PHC2: variants seen among roughly 807,000 people sequenced by gnomAD.
The protein encoded by PHC2 is polyhomeotic homolog 2.
A neutral mutation model predicts 87.4 loss-of-function variants in PHC2; 29 were observed. That is an observed-to-expected ratio of 0.33 (90% CI 0.25 to 0.45). The LOEUF (loss-of-function observed/expected upper bound fraction) is 0.45, where lower values mean the gene tolerates loss of function less well. Among genes scored for constraint, PHC2 ranks in the 20% least tolerant of loss-of-function variants. The pLI, the probability that PHC2 is intolerant of heterozygous loss-of-function variation, is 1.00. For missense variants in PHC2, 857 were observed against 1,136.7 expected (o/e 0.75, Z 3.54); for synonymous variants, 438 against 461.7 (o/e 0.95, Z 0.66).
At chr1:33,403,686 C>CA (rs1649638876) in intron 1 of PHC2, among the ~76,000 whole-genome samples, 1 of 152,280 alleles carries the variant, frequency 6.6e-6, no homozygotes, top group East Asian at 1.9e-4. Flanking sequence ...TAAAATGACT[C>CA]AGATTCCATC....
intron 8 of PHC2, 107 bp downstream of exon 8, chr1:33,354,731 G>T (rs1447811351): frequency 7.2e-7 from 1 of 1,380,816 alleles, no homozygotes; most frequent in Non-Finnish European, 9.9e-7. Context: ...CCCCAAAGAT[G>T]ACTTCACCCG....
intron 1 of PHC2, among the ~76,000 whole-genome samples, chr1:33,392,001 G>A (rs1232413348): frequency 6.6e-6 from 1 of 152,180 alleles, no homozygotes; most frequent in Non-Finnish European, 1.5e-5. Context: ...AAAGCCACCT[G>A]GGGCTAGCAC....
At chr1:33,416,116 GC>G (rs1206947006) in intron 1 of PHC2, among the ~76,000 whole-genome samples, 1 of 152,116 alleles carries the variant, frequency 6.6e-6, no homozygotes, top group Non-Finnish European at 1.5e-5. Context: ...AGAAACCATA[GC>G]TAAAAGTTTT....
chr1:33,376,819 CCT>C (rs1286622820), intron 1 of PHC2, among the ~76,000 whole-genome samples: 2 of 152,132 alleles, frequency 1.3e-5, no homozygotes, highest in African/African-American at 4.8e-5. Flanking sequence ...GTCCCAGCTA[CCT>C]GGGAGGCTGA....
chr1:33,387,893 A>T (rs1392921627), intron 1 of PHC2, among the ~76,000 whole-genome samples: 1 of 152,242 alleles, frequency 6.6e-6, no homozygotes. Context: ...TGTCAACTAG[A>T]ACTCTCTCAG....
At chr1:33,392,005 C>T (rs1649077273) in intron 1 of PHC2, among the ~76,000 whole-genome samples, 1 of 152,170 alleles carries the variant, frequency 6.6e-6, no homozygotes, top group Non-Finnish European at 1.5e-5. Context: ...CCACCTGGGG[C>T]TAGCACAGAG....
chr1:33,404,651 C>T (rs1649679014), intron 1 of PHC2, among the ~76,000 whole-genome samples: 2 of 152,116 alleles, frequency 1.3e-5, no homozygotes, highest in South Asian at 4.1e-4. Context: ...GAAGATGGTA[C>T]TTCAATCAAC....
intron 1 of PHC2, among the ~76,000 whole-genome samples, chr1:33,401,710 A>C (rs1649540435): frequency 6.6e-6 from 1 of 152,156 alleles, no homozygotes; most frequent in African/African-American, 2.4e-5. Context: ...ATAGACCCAC[A>C]CATTTATGAA....
At chr1:33,386,361 C>G (rs1648751075) in intron 1 of PHC2, among the ~76,000 whole-genome samples, 1 of 151,226 alleles carries the variant, frequency 6.6e-6, no homozygotes, top group South Asian at 2.1e-4. Flanking sequence ...ACTGAAAATA[C>G]AAAAATTAGC....
Position 33,370,599 on chromosome 1 carries a change from CAT to C in PHC2, c.412-16_412-15del. ...TGCCAGGTTGATCTAATGAGAGAGA[CAT>C]GTGCGGTAGGAGATAGGAGGTTCTG... On this transcript the variant is annotated splice_polypyrimidine_tract_variant and intron_variant, in intron 4 of 14. Coordinates refer to ENST00000683057, the MANE Select transcript of PHC2 (RefSeq NM_001385109.1). 1 of 1,607,166 alleles carries C rather than the reference CAT, an allele frequency of 6.2e-7. No homozygotes were observed. Among genetic ancestry groups the C allele is most frequent in the Non-Finnish European group, 8.5e-7 (1 of 1,175,200 alleles).
chr1:33,357,285 G>A (rs1239672773), intron 7 of PHC2, among the ~76,000 whole-genome samples: 3 of 152,196 alleles, frequency 2.0e-5, no homozygotes, highest in Non-Finnish European at 4.4e-5. Context: ...TGCAACAGGT[G>A]CAAAGTAAGC....
chr1:33,399,536 A>C (rs1649431367), intron 1 of PHC2, among the ~76,000 whole-genome samples: 1 of 152,186 alleles, frequency 6.6e-6, no homozygotes, highest in Admixed American at 6.5e-5. Flanking sequence ...TTGCCATTGG[A>C]GATGTGCCTA....
chr1:33,325,945 G>T, intron 14 of PHC2: 1 of 456,022 alleles, frequency 2.2e-6, no homozygotes, highest in South Asian at 1.6e-5. Flanking sequence ...GGCCTTTAGG[G>T]AAGCTGCTGG....
intron 9 of PHC2, among the ~76,000 whole-genome samples, chr1:33,341,311 G>A (rs569818891): frequency 4.4e-4 from 67 of 152,362 alleles, no homozygotes; most frequent in African/African-American, 1.6e-3. Flanking sequence ...CACACAGGTG[G>A]AGGGAGGGCT....
At chr1:33,388,675 T>C (rs1343968015) in intron 1 of PHC2, among the ~76,000 whole-genome samples, 1 of 152,032 alleles carries the variant, frequency 6.6e-6, no homozygotes, top group Non-Finnish European at 1.5e-5. Context: ...TGCAAGCACC[T>C]AAAAAATACG....
chr1:33,369,328 A>G lies in PHC2; in HGVS notation c.577-706T>C, dbSNP rs1411690810. Among the ~76,000 whole-genome samples, 1 of 152,218 alleles carries G rather than the reference A, an allele frequency of 6.6e-6. No homozygotes were observed. Among genetic ancestry groups the G allele is most frequent in the Non-Finnish European group, 1.5e-5 (1 of 68,032 alleles). ...GGTGCCTTGACAGGGTGCTTTCCCT[A>G]GAACTCTGCGATAGCGCAGCTGTGC... On this transcript the variant is annotated intron_variant, in intron 5 of 14. Transcript: ENST00000683057. This position sits in a 1 kb window ranked among gnomAD's most constrained non-coding sequence, Gnocchi z 4.7.
At position 33,404,113 on chromosome 1, in the gene PHC2, C is replaced by T. The variant is rs538388315; in HGVS notation, c.-55+26863G>A. ...TGTCAACACCTCTACTTGGATATTT[C>T]AAAATATCTAAATTTTAACCTGTTA... On this transcript the variant is annotated intron_variant, in intron 1 of 14. Coordinates refer to ENST00000683057, the MANE Select transcript of PHC2 (RefSeq NM_001385109.1). Among the ~76,000 whole-genome samples, 20 of 152,262 alleles carry T rather than the reference C, an allele frequency of 1.3e-4. No individual in the cohort carries two copies. The South Asian group carries it at 4.2e-3, about 32-fold the overall frequency.
rs896422055 is a variant in PHC2 at position 33,349,584 on chromosome 1, C to T, written c.1558+4817G>A. 2 of 983,878 alleles carry T rather than the reference C, an allele frequency of 2.0e-6. No homozygotes were observed. The highest frequency in any genetic ancestry group is 3.5e-5 in the African/African-American group (2 of 57,152). 60.9% of individuals were successfully genotyped at this position (983,878 alleles called of 1,614,324 possible). A position where few individuals can be genotyped will look rare whatever the true frequency, so the allele number is the denominator to read the frequency against. ...CCTACTGGCGAGAACCCCTCCCCCG[C>T]CCCGGCACTGACCTGTCCAGGGCCC... On this transcript the variant is annotated intron_variant, in intron 9 of 14. Transcript: ENST00000683057. The surrounding 1 kb of genome is among the most constrained non-coding windows in gnomAD (Gnocchi z 4.2).
At chr1:33,330,993 C>T (rs923783325) in intron 12 of PHC2, among the ~76,000 whole-genome samples, 5 of 152,134 alleles carry the variant, frequency 3.3e-5, no homozygotes, top group South Asian at 2.1e-4. Context: ...CTATGCTGGG[C>T]GAGAGCTCAC....
Sources: allele counts gnomAD v4.1 joint callset (sites outside exome capture counted in the v4.1 genomes callset), GRCh38; gene constraint gnomAD v4.1.1; non-coding constraint Gnocchi (gnomAD v3.1); transcripts MANE v1.5; gene names NCBI Gene and HGNC (gene_info 2026-07-23, HGNC 2026-07-21).